The following UNC5C variants were observed in gnomAD, a reference collection of about 807,000 sequenced individuals.
UNC5C encodes the protein unc-5 netrin receptor C.
A neutral mutation model predicts 99.8 loss-of-function variants in UNC5C; 47 were observed. The observed-to-expected ratio is 0.47, with a 90% CI of 0.37 to 0.60. UNC5C has a LOEUF of 0.60. Among genes scored for constraint, UNC5C ranks in the 20% least tolerant of loss-of-function variants. The pLI, the probability that UNC5C is intolerant of heterozygous loss-of-function variation, is 0.00. For missense variants in UNC5C, 1,062 were observed against 1,165.9 expected (o/e 0.91, Z 1.30); for synonymous variants, 487 against 452.2 (o/e 1.08, Z -0.98).
chr4:95,354,486 T>A (rs1312207781), intron 1 of UNC5C, among the ~76,000 whole-genome samples: 80 of 143,956 alleles, frequency 5.6e-4, no homozygotes, highest in African/African-American at 9.0e-4. Flanking sequence ...TATATTTTTT[T>A]TTTTTTTTTA....
chr4:95,360,793 T>C (rs1744365776), intron 1 of UNC5C, among the ~76,000 whole-genome samples: 1 of 152,196 alleles, frequency 6.6e-6, no homozygotes, highest in African/African-American at 2.4e-5. Flanking sequence ...GCCTCTGTTT[T>C]ATTAAACCTC....
At chr4:95,513,666 C>A (rs1722135703) in intron 1 of UNC5C, among the ~76,000 whole-genome samples, 1 of 152,166 alleles carries the variant, frequency 6.6e-6, no homozygotes, top group East Asian at 1.9e-4. Flanking sequence ...TAGATCACAT[C>A]AAATTTAAGA....
chr4:95,548,610 G>A (rs1723141345), intron 1 of UNC5C, 124 bp downstream of exon 1: 1 of 1,124,660 alleles, frequency 8.9e-7, no homozygotes, highest in Admixed American at 3.0e-5. Context: ...GTGGAATTTA[G>A]AGTGGTTTCC....
intron 14 of UNC5C, among the ~76,000 whole-genome samples, chr4:95,177,615 A>C (rs1736421607): frequency 6.6e-6 from 1 of 152,266 alleles, no homozygotes; most frequent in Middle Eastern, 3.4e-3. Context: ...GGCATTTGAA[A>C]TCTTTTGCCA....
intron 4 of UNC5C, among the ~76,000 whole-genome samples, chr4:95,271,728 C>T (rs1191590730): frequency 1.3e-5 from 2 of 152,182 alleles, no homozygotes; most frequent in African/African-American, 2.4e-5. Flanking sequence ...ATGCAGCAAC[C>T]AGAATGATCT....
intron 12 of UNC5C, among the ~76,000 whole-genome samples, chr4:95,187,493 T>C (rs1736877481): frequency 6.6e-6 from 1 of 152,168 alleles, no homozygotes; most frequent in South Asian, 2.1e-4. Context: ...ATGAAGAGCA[T>C]TATCAGTTTT....
At chr4:95,386,601 T>C (rs1004973236) in intron 1 of UNC5C, among the ~76,000 whole-genome samples, 2 of 152,196 alleles carry the variant, frequency 1.3e-5, no homozygotes, top group Non-Finnish European at 2.9e-5. Flanking sequence ...TCTGTTCCTC[T>C]CTATCCAATG....
At chr4:95,434,376 C>T (rs1421157759) in intron 1 of UNC5C, among the ~76,000 whole-genome samples, 2 of 152,072 alleles carry the variant, frequency 1.3e-5, no homozygotes, top group African/African-American at 2.4e-5. Context: ...TAAGCACCTA[C>T]TCTGTACCCG....
chr4:95,418,922 G>T (rs1307864019), intron 1 of UNC5C, among the ~76,000 whole-genome samples: 1 of 151,952 alleles, frequency 6.6e-6, no homozygotes, highest in African/African-American at 2.4e-5. Flanking sequence ...CTCCTGCCCC[G>T]ACTTCAGAAT....
rs577670006 is a variant in UNC5C at position 95,293,783 on chromosome 4, G to A, written c.490+7823C>T. ...ATATACCACCTGTATAACCTCAGGC[G>A]ATTTTTAATCTCCCGTTGCTCTCAA... On this transcript the variant is annotated intron_variant, in intron 3 of 15. Transcript: ENST00000453304. Among the ~76,000 whole-genome samples the A allele has an allele frequency of 3.4e-4, 51 of 152,192 alleles. 1 individual carries two copies. In the South Asian group the frequency reaches 1.0e-2, roughly 30 times the overall value.
intron 3 of UNC5C, among the ~76,000 whole-genome samples, chr4:95,292,184 C>CAT (rs1240368386): frequency 1.8e-4 from 26 of 146,620 alleles, no homozygotes; most frequent in Middle Eastern, 3.3e-3. Flanking sequence ...CATGAGATTA[C>CAT]ATATATATAT....
At chr4:95,206,892 T>A in intron 10 of UNC5C, 96 bp from the exon 11 acceptor site, 2 of 851,728 alleles carry the variant, frequency 2.3e-6, no homozygotes, top group Non-Finnish European at 3.3e-6. Flanking sequence ...AGTAGTTTTC[T>A]CCTGGAATTC....
At chr4:95,175,000 G>A (rs1579197927) in intron 14 of UNC5C, among the ~76,000 whole-genome samples, 1 of 151,526 alleles carries the variant, frequency 6.6e-6, no homozygotes, top group South Asian at 2.1e-4. Flanking sequence ...TTATGTAATG[G>A]CCTTCTTTGT....
chr4:95,302,204 G>A (rs1276880613), intron 2 of UNC5C, among the ~76,000 whole-genome samples: 1 of 152,186 alleles, frequency 6.6e-6, no homozygotes, highest in Non-Finnish European at 1.5e-5. Context: ...TAGCAGTTGT[G>A]TTTCAATTAA....
rs1252541385 is a variant in UNC5C, at chr4:95,168,128, A to ACTT, written c.*1103_*1105dup. On this transcript the variant is annotated 3_prime_UTR_variant, in exon 16 of 16. Transcript: ENST00000453304. The stretch of plus-strand genomic sequence containing the variant: ...GCCACACAACGGCAATATTAAGTGA[A>ACTT]CTTAATAGAGAACACGTCTCCTTAA... The ACTT allele has an allele frequency of 2.6e-5, 4 of 152,156 alleles. No homozygotes were observed. The highest frequency in any genetic ancestry group is 5.9e-5 in the Non-Finnish European group (4 of 68,058). 9.4% of individuals were successfully genotyped at this position (152,156 alleles called of 1,614,324 possible).
At position 95,195,274 on chromosome 4, in the gene UNC5C, C is replaced by T. The variant is rs191821300; in HGVS notation, c.2136+7457G>A. Among the ~76,000 whole-genome samples the T allele has an allele frequency of 3.0e-4, 45 of 152,288 alleles. No individual in the cohort carries two copies. The East Asian group carries it at 7.9e-3, about 27-fold the overall frequency. ...GCCACCAGGCTGATAAGTGGCACAG[C>T]CAGTCACGGCAGCCAGCCTGACTCG... On this transcript the variant is annotated intron_variant, in intron 12 of 15. Transcript: ENST00000453304.
At chr4:95,173,564 A>G (rs1736213104) in intron 14 of UNC5C, among the ~76,000 whole-genome samples, 3 of 142,348 alleles carry the variant, frequency 2.1e-5, no homozygotes, top group East Asian at 4.2e-4. Flanking sequence ...CGTATATTGA[A>G]CCAGCCTTGC....
At chr4:95,507,417 G>T (rs928904317) in intron 1 of UNC5C, among the ~76,000 whole-genome samples, 6 of 151,832 alleles carry the variant, frequency 4.0e-5, no homozygotes, top group Non-Finnish European at 8.8e-5. Flanking sequence ...CCCTCTTCCT[G>T]GTTCTCTTTT....
chr4:95,302,647 C>A (rs1386634097), intron 2 of UNC5C, among the ~76,000 whole-genome samples: 1 of 152,140 alleles, frequency 6.6e-6, no homozygotes, highest in Non-Finnish European at 1.5e-5. Flanking sequence ...AGGGAACCAG[C>A]AGAACACCCC....
Sources: allele counts gnomAD v4.1 joint callset (sites outside exome capture counted in the v4.1 genomes callset), GRCh38; gene constraint gnomAD v4.1.1; transcripts MANE v1.5; gene names NCBI Gene and HGNC (gene_info 2026-07-23, HGNC 2026-07-21).